Variants in ADGRL2 observed in about 807,000 individuals in gnomAD.
The protein encoded by ADGRL2 is adhesion G protein-coupled receptor L2, also known as calcium-independent alpha-latrotoxin receptor 2.
ADGRL2 carries 44 observed loss-of-function variants against 157.4 expected under a neutral mutation model. The ratio of observed to expected loss-of-function variants is 0.28; its 90% CI spans 0.22 to 0.36. The LOEUF is 0.36. ADGRL2 is among the 10% of genes least tolerant of loss of function. The pLI is 1.00. For missense variants in ADGRL2, 1,510 were observed against 1,768.9 expected (o/e 0.85, Z 2.63); for synonymous variants, 585 against 624.7 (o/e 0.94, Z 0.95).
chr1:81,552,202 T>C (rs1570472350), intron 2 of ADGRL2, among the ~76,000 whole-genome samples: 1 of 152,168 alleles, frequency 6.6e-6, no homozygotes, highest in Non-Finnish European at 1.5e-5. Flanking sequence ...AAGAGTCTAT[T>C]GAGAGTCTCA....
chr1:81,307,094 A>G (rs548237699), intron 1 of ADGRL2, among the ~76,000 whole-genome samples: 2 of 152,372 alleles, frequency 1.3e-5, no homozygotes, highest in Admixed American at 6.5e-5. Context: ...ACAAATAGTT[A>G]GGATTCAGTT....
At chr1:81,582,736 T>C (rs2080941491) in intron 3 of ADGRL2, among the ~76,000 whole-genome samples, 1 of 152,194 alleles carries the variant, frequency 6.6e-6, no homozygotes, top group Non-Finnish European at 1.5e-5. Context: ...CAATCCTTCG[T>C]AAAATTCAGA....
chr1:81,844,211 A>C (rs987995325), intron 2 of ADGRL2, among the ~76,000 whole-genome samples: 2 of 152,184 alleles, frequency 1.3e-5, no homozygotes, highest in Non-Finnish European at 2.9e-5. Context: ...TTACATGCAT[A>C]TTAGGCATTT....
intron 2 of ADGRL2, among the ~76,000 whole-genome samples, chr1:81,524,335 T>C (rs763311650): frequency 8.5e-5 from 13 of 152,114 alleles, no homozygotes; most frequent in Admixed American, 2.6e-4. Flanking sequence ...CACTGCACTC[T>C]AGCCTGGGCA....
At chr1:81,629,029 T>C (rs1243215023) in intron 3 of ADGRL2, among the ~76,000 whole-genome samples, 1 of 152,198 alleles carries the variant, frequency 6.6e-6, no homozygotes, top group Admixed American at 6.5e-5. Context: ...GTCATCCTTA[T>C]ACCTACCAGC....
chr1:81,989,714 G>C (rs1428384550), intron 23 of ADGRL2: 1 of 1,610,096 alleles, frequency 6.2e-7, no homozygotes, highest in Non-Finnish European at 8.5e-7. Context: ...TCCAAAGTGA[G>C]TCATTCCACC....
At chr1:81,750,978 T>C (rs1175288539) in intron 1 of ADGRL2, among the ~76,000 whole-genome samples, 1 of 152,140 alleles carries the variant, frequency 6.6e-6, no homozygotes, top group Non-Finnish European at 1.5e-5. Context: ...CATTCTCATC[T>C]AAAAGAAATT....
chr1:81,791,996 A>T (rs955384739), intron 2 of ADGRL2, among the ~76,000 whole-genome samples: 3 of 152,166 alleles, frequency 2.0e-5, no homozygotes, highest in African/African-American at 7.2e-5. Flanking sequence ...TAACTTATAA[A>T]TAGTTTTGTA....
At chr1:81,811,006 CT>C (rs1400553089) in intron 1 of ADGRL2, among the ~76,000 whole-genome samples, 1 of 151,936 alleles carries the variant, frequency 6.6e-6, no homozygotes, top group East Asian at 1.9e-4. Flanking sequence ...TCCCACTTTG[CT>C]TTTTCTACTA....
chr1:81,436,740 CT>C (rs1176256352), intron 1 of ADGRL2, among the ~76,000 whole-genome samples: 2 of 152,198 alleles, frequency 1.3e-5, no homozygotes, highest in African/African-American at 4.8e-5. Flanking sequence ...AGGGACTGGT[CT>C]GCTCAGTGAA....
chr1:81,491,408 A>G (rs927399362), intron 2 of ADGRL2, among the ~76,000 whole-genome samples: 2 of 151,946 alleles, frequency 1.3e-5, no homozygotes, highest in African/African-American at 2.4e-5. Flanking sequence ...TCATCAAGCT[A>G]TACTTTTATG....
At chr1:81,766,620 C>T (rs1467767858) in intron 2 of ADGRL2, among the ~76,000 whole-genome samples, 1 of 151,826 alleles carries the variant, frequency 6.6e-6, no homozygotes, top group African/African-American at 2.4e-5. Flanking sequence ...CACCTGAGGT[C>T]GGAAGTTCAA....
intron 3 of ADGRL2, among the ~76,000 whole-genome samples, chr1:81,643,752 A>G (rs1359890825): frequency 2.0e-5 from 3 of 152,216 alleles, no homozygotes; most frequent in Non-Finnish European, 2.9e-5. Context: ...ATCAAAGACT[A>G]ACTAAATAAA....
intron 21 of ADGRL2, among the ~76,000 whole-genome samples, chr1:81,986,105 A>G (rs185708282): frequency 6.6e-6 from 1 of 152,212 alleles, no homozygotes; most frequent in East Asian, 1.9e-4. Context: ...ATTTTAAGAT[A>G]TTTTTATCCA....
chr1:81,963,169 CT>C (rs11380626), intron 11 of ADGRL2, among the ~76,000 whole-genome samples: 27,433 of 137,736 alleles, frequency 0.2, 3,251 homozygotes, highest in East Asian at 0.64. Flanking sequence ...ACTTATACTT[CT>C]TTTTTTTATT....
chr1:81,651,674 T>C (rs2082422726), intron 3 of ADGRL2, among the ~76,000 whole-genome samples: 1 of 152,156 alleles, frequency 6.6e-6, no homozygotes, highest in African/African-American at 2.4e-5. Flanking sequence ...TTCATTATAT[T>C]TTGGTATAAG....
intron 1 of ADGRL2, among the ~76,000 whole-genome samples, chr1:81,812,854 C>T (rs2090011683): frequency 6.6e-6 from 1 of 151,758 alleles, no homozygotes; most frequent in Admixed American, 6.6e-5. Context: ...CCTACTATTA[C>T]ATGATTTAGA....
In ADGRL2 at chr1:81,344,228, C is replaced by T. The variant is rs554675641; in HGVS notation, c.-302+37719C>T. Among the ~76,000 whole-genome samples, 24 of 152,206 alleles carry T rather than the reference C, an allele frequency of 1.6e-4. 2 individuals are homozygous for T. The South Asian group carries it at 4.8e-3, about 30-fold the overall frequency. The stretch of plus-strand genomic sequence containing the variant: ...GGATTACAGGCGCAACGTCACCACG[C>T]CCTAATTCGATGTTCTATGATAGCA... On this transcript the variant is annotated intron_variant, in intron 1 of 24. Coordinates refer to the ADGRL2 transcript ENST00000370721.
At chr1:81,403,910 GC>G (rs1157842588) in intron 1 of ADGRL2, among the ~76,000 whole-genome samples, 1 of 150,502 alleles carries the variant, frequency 6.6e-6, no homozygotes, top group East Asian at 2.0e-4. Context: ...TGATTCTCCT[GC>G]CTCAGCCTCC....
Sources: gnomAD v4.1 joint callset for allele counts (sites outside exome capture counted in the v4.1 genomes callset) on GRCh38, gnomAD v4.1.1 for gene constraint, MANE v1.5 for transcripts, NCBI Gene and HGNC (gene_info 2026-07-23, HGNC 2026-07-21) for gene names.